SIRT1: variants seen among roughly 807,000 people sequenced by gnomAD.
SIRT1 encodes the protein NAD-dependent protein deacetylase sirtuin-1.
SIRT1 carries 24 observed loss-of-function variants against 67.9 expected under a neutral mutation model. The ratio of observed to expected loss-of-function variants is 0.35; its 90% CI spans 0.26 to 0.50. SIRT1 has a LOEUF of 0.50. Among genes scored for constraint, SIRT1 ranks in the 20% least tolerant of loss-of-function variants. The pLI is 0.98. For synonymous variants in SIRT1, 378 were observed against 350.7 expected, an observed-to-expected ratio of 1.08 and a Z score of -0.87; for missense variants, 873 against 937.2, an observed-to-expected ratio of 0.93 and a Z score of 0.89.
At position 67,913,725 on chromosome 10, in the gene SIRT1, T is replaced by TA. The variant is rs1030424009; in HGVS notation, c.1915+702dup. Among the ~76,000 whole-genome samples, 12 of 152,012 alleles carry TA rather than the reference T, an allele frequency of 7.9e-5. No individual in the cohort carries two copies. In the East Asian group the frequency reaches 1.4e-3, roughly 17 times the overall value. ...TATGGTGGAAATTCCTAACTTATGTTAAAAAAAAGAAAACCACTGTAACTT... is the reference window on the plus strand; with the variant it reads ...TATGGTGGAAATTCCTAACTTATGTTAAAAAAAAAGAAAACCACTGTAACTT... On this transcript the variant is annotated intron_variant, in intron 8 of 8. Transcript: ENST00000212015.
intron 4 of SIRT1, among the ~76,000 whole-genome samples, chr10:67,902,027 TC>T (rs1209571206): frequency 6.6e-6 from 1 of 152,228 alleles, no homozygotes; most frequent in African/African-American, 2.4e-5. Flanking sequence ...CTCGCTCTTG[TC>T]CCCAGGCTGG....
chr10:67,916,684 C>T lies in SIRT1; in HGVS notation c.*91C>T, dbSNP rs1196668940. The T allele has an allele frequency of 1.0e-6, 1 of 1,002,524 alleles. No individual in the cohort carries two copies. The highest frequency in any genetic ancestry group is 1.4e-6 in the Non-Finnish European group (1 of 698,358). 62.1% of individuals were successfully genotyped at this position (1,002,524 alleles called of 1,614,324 possible). On this transcript the variant is annotated 3_prime_UTR_variant, in exon 9 of 9. Coordinates refer to ENST00000212015, the MANE Select transcript of SIRT1 (RefSeq NM_012238.5). ...ATGTTTACTTGTGAACTCGATAGAG[C>T]AAGGAAACCAGAAAGGTGTAATATT...
chr10:67,902,977 G>C (rs1842765473), intron 4 of SIRT1, among the ~76,000 whole-genome samples: 1 of 152,128 alleles, frequency 6.6e-6, no homozygotes, highest in East Asian at 1.9e-4. Context: ...TGTAGTCCCA[G>C]CTCCTTGGGA....
chr10:67,917,510 C>G lies in SIRT1; in HGVS notation c.*917C>G, dbSNP rs182180876. ...CTGCCAAAATGTGAATATGCAAAGC[C>G]TTTCTGAATCTATAATAATGGTACT... On this transcript the variant is annotated 3_prime_UTR_variant, in exon 9 of 9. Transcript: ENST00000212015. 7 of 152,634 alleles carry G rather than the reference C, an allele frequency of 4.6e-5. No individual in the cohort carries two copies. The East Asian group carries it at 1.4e-3, about 29-fold the overall frequency. 9.5% of individuals were successfully genotyped at this position (152,634 alleles called of 1,614,324 possible).
chr10:67,892,297 G>A (rs1416519008), intron 4 of SIRT1, among the ~76,000 whole-genome samples: 1 of 152,086 alleles, frequency 6.6e-6, no homozygotes, highest in South Asian at 2.1e-4. Flanking sequence ...TGGGCTGTGC[G>A]TGTTGCCTCA....
chr10:67,913,146 T>A, intron 8 of SIRT1, 115 bp downstream of exon 8: 1 of 1,029,988 alleles, frequency 9.7e-7, no homozygotes, highest in Non-Finnish European at 1.4e-6. Context: ...TGATTCTGTT[T>A]AGAGAAACTG....
At chr10:67,888,806 C>T (rs1842525976) in intron 2 of SIRT1, 76 bp from the exon 3 acceptor site, 6 of 1,499,622 alleles carry the variant, frequency 4.0e-6, no homozygotes, top group Non-Finnish European at 5.4e-6. Flanking sequence ...AGAATGCTAA[C>T]TCATTACTTC....
chr10:67,887,961 T>C (rs1340748126), intron 2 of SIRT1, among the ~76,000 whole-genome samples: 1 of 152,228 alleles, frequency 6.6e-6, no homozygotes, highest in African/African-American at 2.4e-5. Context: ...TTTCACTTTA[T>C]TGTACACTTA....
intron 4 of SIRT1, among the ~76,000 whole-genome samples, chr10:67,896,985 G>C (rs774791714): frequency 5.9e-5 from 9 of 151,854 alleles, no homozygotes; most frequent in Non-Finnish European, 8.8e-5. Context: ...GCAAAACCCT[G>C]TCTCTACTAA....
rs35138210 is a variant in SIRT1 at position 67,911,996 on chromosome 10, T to G, written c.1358-478T>G. Among the ~76,000 whole-genome samples the G allele has an allele frequency of 1.4e-3, 207 of 152,234 alleles. 5 individuals are homozygous for G. In the East Asian group the frequency reaches 0.034, roughly 25 times the overall value. ...TCGGGTTGGTCTTGAACTCCTGACC[T>G]CAGGTGATCCGCCTGCCTCGGCCTC... On this transcript the variant is annotated intron_variant, in intron 7 of 8. Transcript: ENST00000212015.
Position 67,889,105 on chromosome 10 carries a change from A to G in SIRT1, c.771A>G (p.Ile257Met). Residue 257 changes from isoleucine to methionine, a missense_variant, in exon 3 of 9, where the codon ATA (isoleucine) becomes ATG (methionine). Coordinates refer to ENST00000212015, the MANE Select transcript of SIRT1 (RefSeq NM_012238.5). ...TACTGCAAGAGTGCAAAAAAATTAT[A>G]GTTCTAACTGGAGCTGGGGTATGTA... ...VKLLQECKKI[I>M]VLTGAGVSVS... 6.2e-7 allele frequency: 1 copy of G among 1,601,984 alleles called. No individual in the cohort carries two copies. The highest frequency in any genetic ancestry group is 8.5e-7 in the Non-Finnish European group (1 of 1,179,462).
chr10:67,895,704 G>A (rs1842643715), intron 4 of SIRT1, among the ~76,000 whole-genome samples: 1 of 130,210 alleles, frequency 7.7e-6, no homozygotes, highest in African/African-American at 2.8e-5. Context: ...TTATATCATT[G>A]ATTGTATGTG....
chr10:67,909,127 T>C, intron 6 of SIRT1, 129 bp from the exon 7 acceptor site: 2 of 630,118 alleles, frequency 3.2e-6, no homozygotes, highest in Non-Finnish European at 5.3e-6. Flanking sequence ...TGTTTATCCA[T>C]AGCTTTTCTG....
chr10:67,885,518 T>G, intron 1 of SIRT1: 1 of 692,198 alleles, frequency 1.4e-6, no homozygotes, highest in Non-Finnish European at 1.8e-6. Flanking sequence ...TTCATTGCTT[T>G]TCTCCTCTAC....
intron 4 of SIRT1, among the ~76,000 whole-genome samples, chr10:67,906,530 C>T (rs1036308966): frequency 3.4e-4 from 51 of 151,994 alleles, no homozygotes; most frequent in African/African-American, 1.2e-3. Context: ...ATTAAAATAT[C>T]AACATTTCTT....
chr10:67,909,219 T>G (rs988225099), intron 6 of SIRT1, 37 bp from the exon 7 acceptor site: 4 of 1,482,692 alleles, frequency 2.7e-6, no homozygotes, highest in Non-Finnish European at 3.6e-6. Context: ...GCTTACTCTT[T>G]GCTTCTCTAC....
At chr10:67,914,402 A>G (rs915073689) in intron 8 of SIRT1, among the ~76,000 whole-genome samples, 2 of 152,148 alleles carry the variant, frequency 1.3e-5, no homozygotes, top group Non-Finnish European at 2.9e-5. Flanking sequence ...AGATTAGATT[A>G]CAGAAGGCTT....
rs927927572 is a variant in SIRT1 at position 67,885,038 on chromosome 10, G to T, written c.317G>T (p.Gly106Val). The T allele has an allele frequency of 7.1e-7, 1 of 1,403,218 alleles. No individual in the cohort carries two copies. 86.9% of individuals were successfully genotyped at this position (1,403,218 alleles called of 1,614,324 possible). A position where few individuals can be genotyped will look rare whatever the true frequency, so the allele number is the denominator to read the frequency against. The part of the protein sequence containing the change: ...AAAGEGDNGP[G>V]LQGPSREPPL... Reference sequence around the variant, plus strand: ...GCTGGGGAAGGAGACAATGGGCCGGGCCTGCAGGGCCCATCTCGGGAGCCA... The same window carrying T: ...GCTGGGGAAGGAGACAATGGGCCGGTCCTGCAGGGCCCATCTCGGGAGCCA... The change falls in exon 1 of 9, where the codon GGC (glycine) becomes GTC (valine). Residue 106 changes from glycine to valine, a missense_variant. Physicochemically the swap from Gly to Val is moderately radical, Grantham distance 109. This residue lies in a region of SIRT1 where 327 missense variants were observed against 283.9 expected (regional missense o/e 1.15). Coordinates refer to ENST00000212015, the MANE Select transcript of SIRT1 (RefSeq NM_012238.5).
At chr10:67,909,576 T>G (rs1842869058) in intron 7 of SIRT1, 134 bp downstream of exon 7, 3 of 764,166 alleles carry the variant, frequency 3.9e-6, no homozygotes, top group Non-Finnish European at 5.8e-6. Context: ...TAGAAATTGT[T>G]TGTTTGTTTG....
Sources: allele counts gnomAD v4.1 joint callset (sites outside exome capture counted in the v4.1 genomes callset), GRCh38; gene constraint gnomAD v4.1.1; regional missense constraint gnomAD v4.1.1; transcripts MANE v1.5; gene names NCBI Gene and HGNC (gene_info 2026-07-23, HGNC 2026-07-21).